The following LZTR1 variants were observed in gnomAD, a reference collection of about 807,000 sequenced individuals.
LZTR1 encodes the protein leucine-zipper-like transcriptional regulator 1.
LZTR1 carries 260 observed loss-of-function variants against 105.7 expected under a neutral mutation model. The observed-to-expected ratio is 2.46, with a 90% CI of 2.22 to 2.72. The LOEUF (loss-of-function observed/expected upper bound fraction) is 2.72. Among genes scored for constraint, LZTR1 ranks in the 30% most tolerant of loss-of-function variants. LZTR1 has a pLI of 0.00. For synonymous variants in LZTR1, 490 were observed against 476.4 expected, an observed-to-expected ratio of 1.03 and a Z score of -0.37; for missense variants, 1,214 against 1,166.9, an observed-to-expected ratio of 1.04 and a Z score of -0.59.
rs1569156587 is a variant in LZTR1, at chr22:20,993,250, C to A, written c.1260+346C>A. 12 of 414,718 alleles carry A rather than the reference C, an allele frequency of 2.9e-5. 1 individual carries two copies. In the South Asian group the frequency reaches 3.7e-4, roughly 13 times the overall value. 25.7% of individuals were successfully genotyped at this position (414,718 alleles called of 1,614,324 possible). A position where few individuals can be genotyped will look rare whatever the true frequency, so the allele number is the denominator to read the frequency against. On this transcript the variant is annotated intron_variant, in intron 11 of 20. Transcript: ENST00000646124. ...CTTGCGTTGACAGCCCCTTCCCAGG[C>A]CTGGAGGAGCAGGTGGTCAGGGCAG...
At position 20,990,426 on chromosome 22, in the gene LZTR1, T is replaced by A; in HGVS notation, c.692T>A (p.Phe231Tyr). ...SGEIPPSCCN[F>Y]PVAVCRDKMF... ...GAGATCCCCCCATCTTGCTGCAACT[T>A]CCCCGTGGCTGTGTGCCGGGACAAG... is the stretch of plus-strand genomic sequence containing the variant. The change falls in exon 8 of 21, where the codon TTC becomes TAC. Residue 231 changes from phenylalanine (F) to tyrosine (Y), a missense_variant. Physicochemically the swap from Phe to Tyr is conservative, Grantham distance 22. Coordinates refer to ENST00000646124, the MANE Select transcript of LZTR1 (RefSeq NM_006767.4). 6.2e-7 allele frequency: 1 copy of A among 1,613,990 alleles called. No homozygotes were observed. Among genetic ancestry groups the A allele is most frequent in the Non-Finnish European group, 8.5e-7 (1 of 1,179,996 alleles).
intron 2 of LZTR1, among the ~76,000 whole-genome samples, chr22:20,983,584 T>C (rs1462086502): frequency 6.6e-6 from 1 of 152,276 alleles, no homozygotes; most frequent in Non-Finnish European, 1.5e-5. Flanking sequence ...GGTTTCCTTA[T>C]GCAGAGGGTG....
At position 20,998,453 on chromosome 22, in the gene LZTR1, G is replaced by C. The variant is rs963320131; in HGVS notation, c.*1105G>C. ...GGATCCACTCTAGTGCTGGGAGCCAGCGCTCCCTTACTGGGAACAGGATTC... is the reference window on the plus strand; with the variant it reads ...GGATCCACTCTAGTGCTGGGAGCCACCGCTCCCTTACTGGGAACAGGATTC... On this transcript the variant is annotated 3_prime_UTR_variant, in exon 21 of 21. Coordinates refer to ENST00000646124, the MANE Select transcript of LZTR1 (RefSeq NM_006767.4). 1 of 152,324 alleles carries C rather than the reference G, an allele frequency of 6.6e-6. No individual in the cohort carries two copies. The highest frequency in any genetic ancestry group is 2.4e-5 in the African/African-American group (1 of 41,466). 9.4% of individuals were successfully genotyped at this position (152,324 alleles called of 1,614,324 possible).
intron 15 of LZTR1, 34 bp from the exon 16 acceptor site, chr22:20,994,836 A>T (rs1343251898): frequency 6.2e-7 from 1 of 1,611,040 alleles, no homozygotes; most frequent in East Asian, 2.2e-5. Context: ...CCCTGGCTTG[A>T]CTCTGCCTGC....
rs1421105107 is a variant in LZTR1, at chr22:20,998,664, GGA to G, written c.*1322_*1323del. On this transcript the variant is annotated 3_prime_UTR_variant, in exon 21 of 21. Coordinates refer to ENST00000646124, the MANE Select transcript of LZTR1 (RefSeq NM_006767.4). ...TGCAAGATGAGCTGGGAACAAGGGAGGAGAGAGCAGGAGCTGGGGCAGAGGCT... is the reference window on the plus strand; with the variant it reads ...TGCAAGATGAGCTGGGAACAAGGGAGGAGAGCAGGAGCTGGGGCAGAGGCT... 1 of 153,026 alleles carries G rather than the reference GGA, an allele frequency of 6.5e-6. No homozygotes were observed. The highest frequency in any genetic ancestry group is 1.5e-5 in the Non-Finnish European group (1 of 68,652). The allele number at this position is 153,026 out of a possible 1,614,324, so 9.5% of individuals were successfully genotyped here.
At position 20,995,892 on chromosome 22, in the gene LZTR1, G is replaced by C; in HGVS notation, c.2069+20G>C. On this transcript the variant is annotated intron_variant, in intron 17 of 20. Transcript: ENST00000646124. ...CTCCAGGTGGGTGGGGGCTGGACAG[G>C]AGGGGAGGGTGGGCCTGGATGGTGT... 6.2e-7 allele frequency: 1 copy of C among 1,613,030 alleles called. No homozygotes were observed. Among genetic ancestry groups the C allele is most frequent in the Middle Eastern group, 1.6e-4 (1 of 6,062 alleles).
In LZTR1 at chr22:20,996,277, A is replaced by G. The variant is rs935235377; in HGVS notation, c.2219+165A>G. 19 of 729,430 alleles carry G rather than the reference A, an allele frequency of 2.6e-5. No individual in the cohort carries two copies. In the Admixed American group the frequency reaches 5.4e-4, roughly 21 times the overall value. The allele number at this position is 729,430 out of a possible 1,614,324, so 45.2% of individuals were successfully genotyped here. A position where few individuals can be genotyped will look rare whatever the true frequency, so the allele number is the denominator to read the frequency against. On this transcript the variant is annotated intron_variant, in intron 18 of 20. Coordinates refer to ENST00000646124, the MANE Select transcript of LZTR1 (RefSeq NM_006767.4). ...TGGGGCTGGGCCTGGTGCTCTCTGAAGCAGTTGGCAGCTGGCAAGGAGGGG... is the reference window on the plus strand; with the variant it reads ...TGGGGCTGGGCCTGGTGCTCTCTGAGGCAGTTGGCAGCTGGCAAGGAGGGG...
At chr22:20,992,406 CCT>C (rs758911110) in intron 10 of LZTR1, 37 bp downstream of exon 10, 7 of 1,587,576 alleles carry the variant, frequency 4.4e-6, no homozygotes, top group Non-Finnish European at 6.0e-6. Flanking sequence ...TCCATCACCC[CCT>C]GAAACAGGTC....
rs1924988612 is a variant in LZTR1 at position 20,998,827 on chromosome 22, C to T, written c.*1479C>T. 1 of 151,750 alleles carries T rather than the reference C, an allele frequency of 6.6e-6. No individual in the cohort carries two copies. Among genetic ancestry groups the T allele is most frequent in the Non-Finnish European group, 1.5e-5 (1 of 67,882 alleles). The allele number at this position is 151,750 out of a possible 1,614,324, so 9.4% of individuals were successfully genotyped here. A position where few individuals can be genotyped will look rare whatever the true frequency, so the allele number is the denominator to read the frequency against. ...CAGGTGCATTCACTCAGAGTGGGGC[C>T]ACACACCCATCTACCCAGTTTCCAC... is the stretch of plus-strand genomic sequence containing the variant. On this transcript the variant is annotated 3_prime_UTR_variant, in exon 21 of 21. Coordinates refer to ENST00000646124, the MANE Select transcript of LZTR1 (RefSeq NM_006767.4).
In LZTR1 at chr22:20,994,974, G is replaced by T. The variant is rs1430559404; in HGVS notation, c.1890G>T (p.Arg630=). 1.2e-6 allele frequency: 2 copies of T among 1,613,194 alleles called. No individual in the cohort carries two copies. The highest frequency in any genetic ancestry group is 1.7e-6 in the Non-Finnish European group (2 of 1,179,998). ...CTCCACTGATAGTGGAGATTGTGCG[G>T]CGGAAGCAGCAGCCGCCCCCTCGCA... The part of the protein sequence containing the change: ...LSSPLIVEIV[R]RKQQPPPRTP... Residue 630 remains arginine, a synonymous_variant, in exon 16 of 21, where the codon CGG becomes CGT. Coordinates refer to ENST00000646124, the MANE Select transcript of LZTR1 (RefSeq NM_006767.4).
chr22:20,982,973 G>T, intron 1 of LZTR1, 54 bp from the exon 2 acceptor site: 1 of 1,505,756 alleles, frequency 6.6e-7, no homozygotes, highest in Non-Finnish European at 9.2e-7. Context: ...CCCATTCCTT[G>T]GGTGCCCCCC....
intron 7 of LZTR1, 114 bp from the exon 8 acceptor site, chr22:20,990,272 C>A: frequency 8.4e-7 from 1 of 1,193,280 alleles, no homozygotes; most frequent in Non-Finnish European, 1.2e-6. Context: ...ATCTGTGAAT[C>A]CTCATCTGGG....
Position 20,983,093 on chromosome 22 carries a change from A to T in LZTR1, c.263+4A>T. 6.2e-7 allele frequency: 1 copy of T among 1,612,838 alleles called. No individual in the cohort carries two copies. Among genetic ancestry groups the T allele is most frequent in the Non-Finnish European group, 8.5e-7 (1 of 1,179,006 alleles). On this transcript the variant is annotated splice_donor_region_variant and intron_variant, in intron 2 of 20. Coordinates refer to ENST00000646124, the MANE Select transcript of LZTR1 (RefSeq NM_006767.4). Reference sequence around the variant, plus strand: ...ATGTATTTGGTGGAGACAATGGGTGAGTGAGTCTCAGCATCAGTGTTTGGA... The same window carrying T: ...ATGTATTTGGTGGAGACAATGGGTGTGTGAGTCTCAGCATCAGTGTTTGGA...
chr22:20,990,572 C>T (rs144038759), intron 8 of LZTR1, 47 bp downstream of exon 8: 14 of 1,557,898 alleles, frequency 9.0e-6, no homozygotes, highest in Admixed American at 3.6e-5. Context: ...TCAGTTCCCT[C>T]GAATCCTTCT....
In LZTR1 at chr22:20,993,667, C is replaced by T; in HGVS notation, c.1266C>T (p.Ser422=). The change falls in exon 12 of 21, where the codon TCC becomes TCT. Residue 422 remains serine (S), a synonymous_variant. Transcript: ENST00000646124. ...RSGEMYRFQF[S]CYPKCTLHED... Reference sequence around the variant, plus strand: ...TCACTGGGCCCCTCTTGCAGTTCTCCTGTTACCCTAAATGCACGCTGCACG... The same window carrying T: ...TCACTGGGCCCCTCTTGCAGTTCTCTTGTTACCCTAAATGCACGCTGCACG... The T allele has an allele frequency of 1.9e-6, 3 of 1,613,256 alleles. No homozygotes were observed. Among genetic ancestry groups the T allele is most frequent in the Non-Finnish European group, 2.5e-6 (3 of 1,179,712 alleles).
chr22:20,997,229 C>G lies in LZTR1; in HGVS notation c.2407-3C>G, dbSNP rs1284929387. 2 of 1,600,792 alleles carry G rather than the reference C, an allele frequency of 1.2e-6. No homozygotes were observed. Among genetic ancestry groups the G allele is most frequent in the Non-Finnish European group, 1.7e-6 (2 of 1,167,930 alleles). ...ATCTCCTTCCGGCCTGCTTGCCTTA[C>G]AGGTCTCCAAGTTGCCCACCCTGCG... On this transcript the variant is annotated splice_region_variant and splice_polypyrimidine_tract_variant and intron_variant, in intron 20 of 20. Transcript: ENST00000646124.
intron 6 of LZTR1, among the ~76,000 whole-genome samples, 156 bp from the exon 7 acceptor site, chr22:20,989,469 C>T (rs879343885): frequency 2.6e-5 from 4 of 152,188 alleles, no homozygotes; most frequent in African/African-American, 7.2e-5. Context: ...GAGGCAGTGG[C>T]TGCCACCCCA....
chr22:20,996,494 C>T (rs1569158237), intron 18 of LZTR1: 1 of 606,480 alleles, frequency 1.6e-6, no homozygotes, highest in East Asian at 2.8e-5. Context: ...TACAGATGTA[C>T]AGACACTATT....
intron 2 of LZTR1, among the ~76,000 whole-genome samples, chr22:20,984,622 G>C (rs557738): frequency 9.0e-5 from 12 of 132,882 alleles, no homozygotes; most frequent in African/African-American, 3.0e-4. Context: ...GAGGGGGGGG[G>C]GGCGGTATCA....
Sources: allele counts gnomAD v4.1 joint callset (sites outside exome capture counted in the v4.1 genomes callset), GRCh38; gene constraint gnomAD v4.1.1; transcripts MANE v1.5; gene names NCBI Gene and HGNC (gene_info 2026-07-23, HGNC 2026-07-21).